ADTRP: variants seen among roughly 807,000 people sequenced by gnomAD.
ADTRP encodes the protein androgen-dependent TFPI-regulating protein.
ADTRP carries 20 observed loss-of-function variants against 27.0 expected under a neutral mutation model. The observed-to-expected ratio is 0.74, with a 90% CI of 0.52 to 1.08. The LOEUF is 1.08. Ranked by LOEUF, ADTRP falls within the 50% of genes least tolerant of loss-of-function variation. ADTRP has a pLI of 0.00. For synonymous variants in ADTRP, 101 were observed against 105.2 expected (o/e 0.96, Z 0.25); for missense variants, 251 against 275.0 (o/e 0.91, Z 0.62).
At chr6:11,762,611 ACT>A (rs1167823482) in intron 3 of ADTRP, among the ~76,000 whole-genome samples, 1 of 152,000 alleles carries the variant, frequency 6.6e-6, no homozygotes, top group Non-Finnish European at 1.5e-5. Flanking sequence ...CAGTTCTAAG[ACT>A]CTGTGATCAT....
intron 1 of ADTRP, among the ~76,000 whole-genome samples, chr6:11,771,454 C>T (rs1192886853): frequency 3.3e-5 from 5 of 152,190 alleles, no homozygotes; most frequent in South Asian, 4.1e-4. Flanking sequence ...ACACGGAGAG[C>T]GAGAGAGCCT....
intron 3 of ADTRP, among the ~76,000 whole-genome samples, chr6:11,747,840 CT>C (rs1242313257): frequency 6.6e-5 from 10 of 152,270 alleles, no homozygotes; most frequent in African/African-American, 1.9e-4. Flanking sequence ...TCCTCTTCCC[CT>C]GATGGCCTCT....
chr6:11,737,357 G>T (rs1397190383), intron 3 of ADTRP, among the ~76,000 whole-genome samples: 1 of 152,134 alleles, frequency 6.6e-6, no homozygotes, highest in Non-Finnish European at 1.5e-5. Context: ...CAGGGCAGCG[G>T]TGTTGGCCCC....
At chr6:11,768,909 C>T (rs1309247121) in intron 1 of ADTRP, among the ~76,000 whole-genome samples, 1 of 151,984 alleles carries the variant, frequency 6.6e-6, no homozygotes, top group Non-Finnish European at 1.5e-5. Flanking sequence ...CTTGCTCAGC[C>T]GAAGAAGAGC....
intron 1 of ADTRP, among the ~76,000 whole-genome samples, chr6:11,777,094 T>C (rs1225013531): frequency 1.3e-5 from 2 of 152,166 alleles, no homozygotes; most frequent in Non-Finnish European, 2.9e-5. Flanking sequence ...GAAAAACTAA[T>C]AGGATTTGGT....
chr6:11,734,323 T>A (rs1260790371), intron 4 of ADTRP, among the ~76,000 whole-genome samples: 1 of 152,236 alleles, frequency 6.6e-6, no homozygotes, highest in Non-Finnish European at 1.5e-5. Context: ...ATCACACAAC[T>A]TTTTCTTGGT....
chr6:11,732,623 T>C (rs1762425497), intron 4 of ADTRP, among the ~76,000 whole-genome samples: 1 of 152,220 alleles, frequency 6.6e-6, no homozygotes, highest in Non-Finnish European at 1.5e-5. Context: ...ATATTTGATT[T>C]GTTCTAGCAA....
intron 2 of ADTRP, among the ~76,000 whole-genome samples, chr6:11,766,606 G>A (rs1024306802): frequency 2.0e-5 from 3 of 152,160 alleles, no homozygotes; most frequent in Admixed American, 6.5e-5. Context: ...ATGTGCCAGA[G>A]AGTTAGAGAT....
At chr6:11,777,312 C>G (rs1308901947) in intron 1 of ADTRP, among the ~76,000 whole-genome samples, 1 of 151,406 alleles carries the variant, frequency 6.6e-6, no homozygotes, top group Non-Finnish European at 1.5e-5. Context: ...GGTGATAAAT[C>G]TATTCTTAGC....
Position 11,714,369 on chromosome 6 carries a change from C to CTACTT in ADTRP, c.*104_*108dup. 7.9e-7 allele frequency: 1 copy of CTACTT among 1,263,104 alleles called. No homozygotes were observed. Among genetic ancestry groups the CTACTT allele is most frequent in the Non-Finnish European group, 1.1e-6 (1 of 892,206 alleles). The allele number at this position is 1,263,104 out of a possible 1,614,324, so 78.2% of individuals were successfully genotyped here. On this transcript the variant is annotated 3_prime_UTR_variant, in exon 6 of 6. Coordinates refer to ENST00000414691, the MANE Select transcript of ADTRP (RefSeq NM_032744.4). ...ATTTAAGTATCACTCTCTGTCCCTCCTACTTTGCTATGTTCCTCCACCACC... is the reference window on the plus strand; with the variant it reads ...ATTTAAGTATCACTCTCTGTCCCTCCTACTTTACTTTGCTATGTTCCTCCACCACC...
At chr6:11,744,121 T>A (rs1375364086) in intron 3 of ADTRP, among the ~76,000 whole-genome samples, 1 of 151,962 alleles carries the variant, frequency 6.6e-6, no homozygotes, top group Non-Finnish European at 1.5e-5. Context: ...TTAGTTCCCA[T>A]GAGATCTGGT....
chr6:11,763,042 C>T (rs1464543814), intron 3 of ADTRP, among the ~76,000 whole-genome samples: 1 of 152,214 alleles, frequency 6.6e-6, no homozygotes, highest in African/African-American at 2.4e-5. Flanking sequence ...GACTGGAGAA[C>T]TGCTTAGCAC....
intron 1 of ADTRP, among the ~76,000 whole-genome samples, chr6:11,775,469 G>A (rs529920058): frequency 2.0e-4 from 31 of 152,120 alleles, no homozygotes; most frequent in African/African-American, 7.0e-4. Flanking sequence ...CAGTGGGACT[G>A]AGGTACCATC....
intron 1 of ADTRP, among the ~76,000 whole-genome samples, chr6:11,771,310 C>A (rs1325686311): frequency 6.6e-6 from 1 of 152,208 alleles, no homozygotes; most frequent in African/African-American, 2.4e-5. Context: ...AACATTGAGG[C>A]GTCTTTGTCC....
rs753126273 is a variant in ADTRP at position 11,731,409 on chromosome 6, CCAAA to C, written c.506+4155_506+4158del. On this transcript the variant is annotated intron_variant, in intron 4 of 5. Transcript: ENST00000414691. ...AATACTGCTCACCCTTGCTTCCACT[CCAAA>C]CAAACAAACAAACAACAGCAACAAC... Among the ~76,000 whole-genome samples the C allele has an allele frequency of 7.9e-5, 12 of 152,302 alleles. No homozygotes were observed. The East Asian group carries it at 9.6e-4, about 12-fold the overall frequency.
rs182731862 is a variant in ADTRP, at chr6:11,739,790, C to G, written c.391-4107G>C. Among the ~76,000 whole-genome samples the G allele has an allele frequency of 6.6e-5, 10 of 152,260 alleles. No homozygotes were observed. The East Asian group carries it at 1.7e-3, about 26-fold the overall frequency. On this transcript the variant is annotated intron_variant, in intron 3 of 5. Transcript: ENST00000414691. The stretch of plus-strand genomic sequence containing the variant: ...CCTGACCCTTGAGAAAGAAGCAAGC[C>G]TTAATCATTGAGGTAACACATGGAT...
At chr6:11,754,660 A>G (rs1763158390) in intron 3 of ADTRP, among the ~76,000 whole-genome samples, 1 of 152,226 alleles carries the variant, frequency 6.6e-6, no homozygotes, top group African/African-American at 2.4e-5. Flanking sequence ...CCAATTAGGC[A>G]TAAGTGGCTT....
intron 3 of ADTRP, 73 bp downstream of exon 3, chr6:11,766,201 G>T (rs181158212): frequency 1.2e-4 from 139 of 1,119,228 alleles, no homozygotes; most frequent in South Asian, 2.2e-4. Context: ...TGGAAACATA[G>T]ATAAGGCACT....
At chr6:11,768,494 G>A in intron 1 of ADTRP, 111 bp from the exon 2 acceptor site, 1 of 1,404,234 alleles carries the variant, frequency 7.1e-7, no homozygotes, top group Non-Finnish European at 9.7e-7. Context: ...GAGGGAGAGG[G>A]CTGTTGGGTT....
Sources: allele counts gnomAD v4.1 joint callset (sites outside exome capture counted in the v4.1 genomes callset), GRCh38; gene constraint gnomAD v4.1.1; transcripts MANE v1.5; gene names NCBI Gene and HGNC (gene_info 2026-07-23, HGNC 2026-07-21).